Variants in ASIC2 observed in about 807,000 individuals in gnomAD.
The protein encoded by ASIC2 is acid-sensing ion channel 2.
Under a neutral mutation model 57.3 loss-of-function variants are expected in ASIC2, and 25 were observed. The ratio of observed to expected loss-of-function variants is 0.44; its 90% confidence interval spans 0.32 to 0.61. The LOEUF (loss-of-function observed/expected upper bound fraction) is 0.61. Ranked by LOEUF, ASIC2 falls within the 20% of genes least tolerant of loss-of-function variation. The pLI is 0.06. For synonymous variants in ASIC2, 319 were observed against 307.5 expected, an observed-to-expected ratio of 1.04 and a Z score of -0.39; for missense variants, 641 against 738.1, an observed-to-expected ratio of 0.87 and a Z score of 1.52.
intron 1 of ASIC2, among the ~76,000 whole-genome samples, chr17:33,263,587 C>CGGCCCCATGAAGACTGCTG (rs1398853104): frequency 1.8e-4 from 27 of 146,848 alleles, no homozygotes; most frequent in Non-Finnish European, 2.8e-4. Flanking sequence ...CTCCCCTCTG[C>CGGCCCCATGAAGACTGCTG]GGCCCCATGA....
intron 1 of ASIC2, among the ~76,000 whole-genome samples, chr17:33,830,159 T>C (rs571834314): frequency 2.6e-5 from 4 of 152,332 alleles, no homozygotes; most frequent in African/African-American, 9.6e-5. Flanking sequence ...CTCAGATTTT[T>C]TTTTCTTGGC....
intron 1 of ASIC2, among the ~76,000 whole-genome samples, chr17:33,558,807 T>A (rs1915986209): frequency 6.6e-6 from 1 of 152,192 alleles, no homozygotes; most frequent in African/African-American, 2.4e-5. Context: ...GTTGTTGTTT[T>A]TTTTTTAGAC....
At chr17:33,208,058 G>C (rs1907135073) in intron 1 of ASIC2, among the ~76,000 whole-genome samples, 1 of 152,196 alleles carries the variant, frequency 6.6e-6, no homozygotes, top group Admixed American at 6.5e-5. Context: ...GATGGCTTAT[G>C]GGGTGAGTGG....
chr17:33,192,764 T>A (rs1382807555), intron 1 of ASIC2, among the ~76,000 whole-genome samples: 1 of 152,244 alleles, frequency 6.6e-6, no homozygotes, highest in Non-Finnish European at 1.5e-5. Flanking sequence ...TTCTCATAAG[T>A]ACCCAGATAT....
At chr17:34,100,582 A>T (rs933578377) in intron 1 of ASIC2, among the ~76,000 whole-genome samples, 2 of 151,458 alleles carry the variant, frequency 1.3e-5, no homozygotes, top group Non-Finnish European at 3.0e-5. Flanking sequence ...GAGAGCTTTG[A>T]AGAGACACCT....
intron 1 of ASIC2, among the ~76,000 whole-genome samples, chr17:33,164,571 TGCAC>T (rs1307688515): frequency 8.2e-6 from 1 of 121,658 alleles, no homozygotes; most frequent in Non-Finnish European, 1.8e-5. Context: ...CAAAAGCACA[TGCAC>T]GCACACACAC....
intron 1 of ASIC2, among the ~76,000 whole-genome samples, chr17:34,041,974 C>T (rs986983442): frequency 6.6e-6 from 1 of 152,170 alleles, no homozygotes; most frequent in African/African-American, 2.4e-5. Context: ...CATCAAAAGA[C>T]AGGAAAATTT....
chr17:33,482,308 A>T (rs1032596360), intron 1 of ASIC2, among the ~76,000 whole-genome samples: 1 of 152,224 alleles, frequency 6.6e-6, no homozygotes. Flanking sequence ...CTAGTCAAAC[A>T]TGGGCAAAAA....
At chr17:33,123,795 A>G (rs995877046) in intron 1 of ASIC2, among the ~76,000 whole-genome samples, 1 of 152,138 alleles carries the variant, frequency 6.6e-6, no homozygotes, top group African/African-American at 2.4e-5. Context: ...GATCAGACAC[A>G]TGTCACTCCT....
chr17:33,800,027 T>G (rs1434131666), intron 1 of ASIC2, among the ~76,000 whole-genome samples: 1 of 152,198 alleles, frequency 6.6e-6, no homozygotes, highest in African/African-American at 2.4e-5. Flanking sequence ...GGACTCTGGA[T>G]CCTGTATATA....
intron 1 of ASIC2, among the ~76,000 whole-genome samples, chr17:33,494,680 A>G (rs1285369467): frequency 6.6e-6 from 1 of 152,202 alleles, no homozygotes; most frequent in African/African-American, 2.4e-5. Flanking sequence ...TTAAAGCTGG[A>G]CTGGACAGGA....
intron 1 of ASIC2, among the ~76,000 whole-genome samples, chr17:34,141,025 A>G (rs980350535): frequency 2.6e-5 from 4 of 152,346 alleles, no homozygotes; most frequent in East Asian, 1.9e-4. Flanking sequence ...GCATGCCTCC[A>G]GATAGGCTAT....
intron 1 of ASIC2, among the ~76,000 whole-genome samples, chr17:33,279,917 A>T (rs1406010923): frequency 6.6e-6 from 1 of 152,212 alleles, no homozygotes; most frequent in Non-Finnish European, 1.5e-5. Context: ...AATGGGAGGC[A>T]CAGAGCCATG....
chr17:33,375,121 GGAT>G (rs1909228531), intron 1 of ASIC2, among the ~76,000 whole-genome samples: 1 of 152,112 alleles, frequency 6.6e-6, no homozygotes, highest in Non-Finnish European at 1.5e-5. Flanking sequence ...GTATGTCAGA[GGAT>G]GATAAGTGTT....
intron 1 of ASIC2, among the ~76,000 whole-genome samples, chr17:33,667,102 ATGGCGT>A (rs994557537): frequency 2.6e-5 from 4 of 152,162 alleles, no homozygotes; most frequent in African/African-American, 9.7e-5. Flanking sequence ...AGCGGGTGAG[ATGGCGT>A]GAGTCACTGA....
chr17:33,815,352 T>A (rs1358251971), intron 1 of ASIC2, among the ~76,000 whole-genome samples: 1 of 152,214 alleles, frequency 6.6e-6, no homozygotes, highest in Non-Finnish European at 1.5e-5. Context: ...CCCCACAGGC[T>A]GTTGCTGAAT....
intron 1 of ASIC2, among the ~76,000 whole-genome samples, chr17:33,191,998 ATC>A (rs1906440548): frequency 6.6e-6 from 1 of 152,178 alleles, no homozygotes; most frequent in Non-Finnish European, 1.5e-5. Context: ...ATGAAAACAG[ATC>A]TTTCTGTTTT....
chr17:33,345,124 T>C (rs1907892773), intron 1 of ASIC2, among the ~76,000 whole-genome samples: 1 of 152,184 alleles, frequency 6.6e-6, no homozygotes. Context: ...TCATTTGTAA[T>C]TAGTAAGTGT....
intron 1 of ASIC2, among the ~76,000 whole-genome samples, chr17:33,696,544 A>G (rs1908535636): frequency 6.6e-6 from 1 of 152,190 alleles, no homozygotes. Flanking sequence ...AGAACACATG[A>G]CATGAACGAA....
Sources: allele counts gnomAD v4.1 joint callset (sites outside exome capture counted in the v4.1 genomes callset), GRCh38; gene constraint gnomAD v4.1.1; transcripts MANE v1.5; gene names NCBI Gene and HGNC (gene_info 2026-07-23, HGNC 2026-07-21).